Variants in SLC9A9 observed in about 807,000 individuals in gnomAD.
SLC9A9 encodes the protein sodium/hydrogen exchanger 9.
A neutral mutation model predicts 77.8 loss-of-function variants in SLC9A9; 62 were observed. The ratio of observed to expected loss-of-function variants is 0.80; its 90% CI spans 0.65 to 0.98. The LOEUF is 0.98. Among genes scored for constraint, SLC9A9 ranks in the 50% least tolerant of loss-of-function variants. The pLI is 0.00. For synonymous variants in SLC9A9, 320 were observed against 283.5 expected, an observed-to-expected ratio of 1.13 and a Z score of -1.29; for missense variants, 775 against 774.9, an observed-to-expected ratio of 1.00 and a Z score of 0.00.
At chr3:143,732,226 G>T (rs562728777) in intron 4 of SLC9A9, among the ~76,000 whole-genome samples, 2 of 152,160 alleles carry the variant, frequency 1.3e-5, no homozygotes, top group African/African-American at 4.8e-5. Context: ...TAAATATTTT[G>T]CATTGTCTGA....
chr3:143,403,429 C>T (rs375316107), intron 12 of SLC9A9, among the ~76,000 whole-genome samples: 3 of 150,116 alleles, frequency 2.0e-5, no homozygotes, highest in Admixed American at 6.6e-5. Context: ...ATAGTTAATA[C>T]GTAGTTACCT....
chr3:143,569,316 A>G (rs1156374051), intron 8 of SLC9A9, among the ~76,000 whole-genome samples: 3 of 151,718 alleles, frequency 2.0e-5, no homozygotes, highest in African/African-American at 7.3e-5. Context: ...AATATCAAAC[A>G]TTCGGTGGAA....
chr3:143,520,850 T>C (rs1170630545), intron 9 of SLC9A9, among the ~76,000 whole-genome samples: 1 of 152,214 alleles, frequency 6.6e-6, no homozygotes, highest in African/African-American at 2.4e-5. Flanking sequence ...GAACATTTTA[T>C]GATATACTGA....
intron 12 of SLC9A9, among the ~76,000 whole-genome samples, chr3:143,427,499 T>C (rs1183157633): frequency 1.3e-5 from 2 of 152,242 alleles, no homozygotes; most frequent in East Asian, 1.9e-4. Flanking sequence ...CCTATCCTTT[T>C]ACAAAGTAGG....
rs1037181372 is a variant in SLC9A9, at chr3:143,524,511, G to C, written c.1089+27851C>G. 3.3e-5 allele frequency among the ~76,000 whole-genome samples: 5 copies of C among 152,104 alleles called. No homozygotes were observed. The East Asian group carries it at 9.6e-4, about 29-fold the overall frequency. On this transcript the variant is annotated intron_variant, in intron 9 of 15. Transcript: ENST00000316549. The stretch of plus-strand genomic sequence containing the variant: ...ACATTTTCTTTTTTATAGGTCAATG[G>C]CCATTTTGAAAATGTTTGACAGTAC...
chr3:143,662,873 C>A (rs886802575), intron 5 of SLC9A9, among the ~76,000 whole-genome samples: 5 of 152,122 alleles, frequency 3.3e-5, no homozygotes, highest in Non-Finnish European at 7.4e-5. Flanking sequence ...CCTCTGGGGG[C>A]AGGGCATAGC....
intron 8 of SLC9A9, among the ~76,000 whole-genome samples, chr3:143,559,853 G>T (rs1316331547): frequency 6.6e-6 from 1 of 152,152 alleles, no homozygotes; most frequent in East Asian, 1.9e-4. Flanking sequence ...CAAACCTTCA[G>T]ATCAAAGGGC....
intron 5 of SLC9A9, among the ~76,000 whole-genome samples, chr3:143,692,644 CAAAAG>C (rs1274848933): frequency 6.6e-6 from 1 of 152,052 alleles, no homozygotes; most frequent in East Asian, 1.9e-4. Flanking sequence ...ACATCATTCT[CAAAAG>C]AAGAGAAGAT....
chr3:143,633,118 AATAG>A (rs2038454701), intron 6 of SLC9A9, among the ~76,000 whole-genome samples: 1 of 152,360 alleles, frequency 6.6e-6, no homozygotes, highest in Non-Finnish European at 1.5e-5. Context: ...TTCATTCATT[AATAG>A]ATAGAGACCT....
intron 8 of SLC9A9, among the ~76,000 whole-genome samples, chr3:143,554,766 CTAAG>C (rs1346113212): frequency 6.6e-6 from 1 of 152,172 alleles, no homozygotes; most frequent in African/African-American, 2.4e-5. Context: ...AATATCCTCT[CTAAG>C]TATGTTCTGC....
At chr3:143,452,579 G>A (rs1340599252) in intron 12 of SLC9A9, among the ~76,000 whole-genome samples, 3 of 147,376 alleles carry the variant, frequency 2.0e-5, no homozygotes, top group African/African-American at 7.5e-5. Flanking sequence ...TATCTTATAA[G>A]TTTTTGCAAT....
chr3:143,434,266 A>G (rs1370899067), intron 12 of SLC9A9, among the ~76,000 whole-genome samples: 1 of 152,202 alleles, frequency 6.6e-6, no homozygotes, highest in South Asian at 2.1e-4. Context: ...GACAGAAACT[A>G]GGTGTTAAAT....
intron 4 of SLC9A9, among the ~76,000 whole-genome samples, chr3:143,727,267 G>C (rs1170492604): frequency 6.6e-6 from 1 of 152,110 alleles, no homozygotes; most frequent in East Asian, 1.9e-4. Flanking sequence ...TCTAATCAAA[G>C]TAGTGCAAAT....
intron 14 of SLC9A9, among the ~76,000 whole-genome samples, chr3:143,326,001 A>G (rs570737943): frequency 2.0e-5 from 3 of 152,336 alleles, no homozygotes; most frequent in African/African-American, 7.2e-5. Flanking sequence ...TTGGTTTTCT[A>G]TTCATGCATG....
chr3:143,726,654 G>A (rs778474678), intron 4 of SLC9A9, among the ~76,000 whole-genome samples: 6 of 151,990 alleles, frequency 3.9e-5, no homozygotes, highest in Admixed American at 1.3e-4. Context: ...AGAGTAAGAG[G>A]TTAGCAGAGG....
At chr3:143,578,444 A>T (rs2037399028) in intron 7 of SLC9A9, 141 bp downstream of exon 7, 1 of 1,283,314 alleles carries the variant, frequency 7.8e-7, no homozygotes, top group African/African-American at 1.5e-5. Context: ...GAGAACCAAG[A>T]TGGCACCAGT....
intron 12 of SLC9A9, among the ~76,000 whole-genome samples, chr3:143,425,437 A>G (rs1190599271): frequency 6.6e-6 from 1 of 152,160 alleles, no homozygotes; most frequent in African/African-American, 2.4e-5. Flanking sequence ...TATATCCACT[A>G]CCAAGAATGG....
chr3:143,320,589 C>G (rs1018876258), intron 14 of SLC9A9, among the ~76,000 whole-genome samples: 1 of 152,132 alleles, frequency 6.6e-6, no homozygotes, highest in Non-Finnish European at 1.5e-5. Flanking sequence ...TTTTAAATAA[C>G]CAGATCGCAT....
At chr3:143,432,730 C>T (rs560261153) in intron 12 of SLC9A9, among the ~76,000 whole-genome samples, 42 of 152,270 alleles carry the variant, frequency 2.8e-4, no homozygotes, top group African/African-American at 8.2e-4. Context: ...CAGGTTCAAG[C>T]GATTCTCCTG....
Sources: gnomAD v4.1 joint callset for allele counts (sites outside exome capture counted in the v4.1 genomes callset) on GRCh38, gnomAD v4.1.1 for gene constraint, MANE v1.5 for transcripts, NCBI Gene and HGNC (gene_info 2026-07-23, HGNC 2026-07-21) for gene names.